MAGI2: variants seen among roughly 807,000 people sequenced by gnomAD.
MAGI2 encodes the protein membrane-associated guanylate kinase, WW and PDZ domain-containing protein 2.
A neutral mutation model predicts 133.3 loss-of-function variants in MAGI2; 35 were observed. The observed-to-expected ratio is 0.26, with a 90% CI of 0.20 to 0.35. The LOEUF is 0.35. MAGI2 is among the 10% of genes least tolerant of loss of function. MAGI2 has a pLI of 1.00. For missense variants in MAGI2, 1,636 were observed against 1,863.4 expected, an observed-to-expected ratio of 0.88 and a Z score of 2.25; for synonymous variants, 729 against 710.6, an observed-to-expected ratio of 1.03 and a Z score of -0.41.
chr7:78,747,168 G>A (rs1388977459), intron 2 of MAGI2, among the ~76,000 whole-genome samples: 2 of 152,158 alleles, frequency 1.3e-5, no homozygotes, highest in Admixed American at 6.5e-5. Flanking sequence ...CAATTGGCAA[G>A]GTGGTAGCAA....
At chr7:79,381,124 C>T (rs1343718511) in intron 1 of MAGI2, among the ~76,000 whole-genome samples, 1 of 132,216 alleles carries the variant, frequency 7.6e-6, no homozygotes, top group Non-Finnish European at 1.6e-5. Context: ...GCCATATTAC[C>T]ATATCGGTGC....
Position 78,073,018 on chromosome 7 carries a change from G to A in MAGI2, c.3706+5929C>T, listed in dbSNP as rs1814877285. 5 of 398,518 alleles carry A rather than the reference G, an allele frequency of 1.3e-5. No individual in the cohort carries two copies. The East Asian group carries it at 1.8e-4, about 14-fold the overall frequency. 24.7% of individuals were successfully genotyped at this position (398,518 alleles called of 1,614,324 possible). On this transcript the variant is annotated intron_variant, in intron 21 of 21. Transcript: ENST00000354212. ...ACCATTACTTATTGCTATCTACATAGAGGCCAGTACTGCTTCACCTGCTGC... is the reference window on the plus strand; with the variant it reads ...ACCATTACTTATTGCTATCTACATAAAGGCCAGTACTGCTTCACCTGCTGC...
At chr7:78,897,637 T>C (rs998651235) in intron 2 of MAGI2, among the ~76,000 whole-genome samples, 6 of 152,226 alleles carry the variant, frequency 3.9e-5, no homozygotes, top group African/African-American at 1.2e-4. Flanking sequence ...TCCATATAAA[T>C]TTTAAAATGT....
chr7:78,331,274 T>A (rs1056682033), intron 9 of MAGI2, among the ~76,000 whole-genome samples: 1 of 152,070 alleles, frequency 6.6e-6, no homozygotes, highest in Non-Finnish European at 1.5e-5. Context: ...AATACCTGAG[T>A]GACAGGATCA....
intron 2 of MAGI2, among the ~76,000 whole-genome samples, chr7:78,766,992 CTTT>C (rs5885095): frequency 6.3e-5 from 9 of 143,558 alleles, no homozygotes; most frequent in Admixed American, 6.9e-5. Context: ...TAATAAAGTT[CTTT>C]TTTTTTTTTT....
chr7:79,433,965 T>C (rs1453827512), intron 1 of MAGI2, among the ~76,000 whole-genome samples: 1 of 152,202 alleles, frequency 6.6e-6, no homozygotes, highest in Non-Finnish European at 1.5e-5. Context: ...CGGTGTTTTT[T>C]AAGAAGAATA....
At chr7:78,690,844 G>A (rs903643495) in intron 2 of MAGI2, among the ~76,000 whole-genome samples, 1 of 152,182 alleles carries the variant, frequency 6.6e-6, no homozygotes, top group Non-Finnish European at 1.5e-5. Flanking sequence ...GTACTCAGCA[G>A]ATGAGCAAGT....
intron 6 of MAGI2, among the ~76,000 whole-genome samples, chr7:78,442,925 G>C (rs1210268705): frequency 6.6e-6 from 1 of 152,118 alleles, no homozygotes; most frequent in African/African-American, 2.4e-5. Flanking sequence ...GAAAACACTA[G>C]TTAGTTAAAA....
At chr7:78,754,205 T>C (rs1320902236) in intron 2 of MAGI2, among the ~76,000 whole-genome samples, 2 of 151,730 alleles carry the variant, frequency 1.3e-5, no homozygotes, top group Admixed American at 1.3e-4. Flanking sequence ...AGCAAAACCC[T>C]GCTATCTACA....
intron 1 of MAGI2, among the ~76,000 whole-genome samples, chr7:79,331,576 G>T (rs1405482365): frequency 6.6e-6 from 1 of 152,070 alleles, no homozygotes; most frequent in Non-Finnish European, 1.5e-5. Context: ...AGACCAAAAT[G>T]TTTGCCTCAA....
intron 1 of MAGI2, among the ~76,000 whole-genome samples, chr7:79,407,903 A>G (rs1845916388): frequency 6.6e-6 from 1 of 152,070 alleles, no homozygotes; most frequent in Admixed American, 6.6e-5. Context: ...GACATATTTT[A>G]TATTATTAAG....
intron 2 of MAGI2, among the ~76,000 whole-genome samples, chr7:78,653,212 T>G (rs1367917826): frequency 6.6e-6 from 1 of 152,178 alleles, no homozygotes; most frequent in Admixed American, 6.5e-5. Context: ...TCAACCATTA[T>G]GGAAAATAGT....
At chr7:79,063,556 G>A (rs1444322607) in intron 1 of MAGI2, among the ~76,000 whole-genome samples, 2 of 151,972 alleles carry the variant, frequency 1.3e-5, no homozygotes, top group East Asian at 1.9e-4. Flanking sequence ...AGCTTGGAGA[G>A]GCAACTAGGA....
intron 1 of MAGI2, among the ~76,000 whole-genome samples, chr7:79,357,059 G>A (rs1013615342): frequency 2.6e-5 from 4 of 152,122 alleles, no homozygotes; most frequent in Non-Finnish European, 1.5e-5. Context: ...TGATGCTCAA[G>A]GTTATTTTAC....
chr7:78,138,596 T>G (rs1822404365), intron 16 of MAGI2, among the ~76,000 whole-genome samples: 1 of 149,108 alleles, frequency 6.7e-6, no homozygotes. Flanking sequence ...TTATTGGGCA[T>G]AAAATCCCAA....
chr7:78,794,532 A>G (rs1787433730), intron 2 of MAGI2, among the ~76,000 whole-genome samples: 1 of 152,038 alleles, frequency 6.6e-6, no homozygotes, highest in Non-Finnish European at 1.5e-5. Flanking sequence ...CCAGGTAAAG[A>G]GATGGTTTCT....
intron 2 of MAGI2, among the ~76,000 whole-genome samples, chr7:78,791,517 T>C (rs1391471649): frequency 2.6e-5 from 4 of 151,942 alleles, no homozygotes; most frequent in Non-Finnish European, 5.9e-5. Flanking sequence ...GCATTACTTT[T>C]AATGGCTAAC....
intron 2 of MAGI2, among the ~76,000 whole-genome samples, chr7:78,732,847 C>T (rs1369051788): frequency 6.6e-6 from 1 of 151,960 alleles, no homozygotes; most frequent in African/African-American, 2.4e-5. Flanking sequence ...AGTAACAACA[C>T]CTTTAATAAA....
At chr7:78,623,274 T>C (rs184945181) in intron 3 of MAGI2, among the ~76,000 whole-genome samples, 1 of 152,132 alleles carries the variant, frequency 6.6e-6, no homozygotes, top group Admixed American at 6.6e-5. Flanking sequence ...GTTAAGCCAT[T>C]GGTTCATTCT....
Sources: allele counts gnomAD v4.1 joint callset (sites outside exome capture counted in the v4.1 genomes callset), GRCh38; gene constraint gnomAD v4.1.1; transcripts MANE v1.5; gene names NCBI Gene and HGNC (gene_info 2026-07-23, HGNC 2026-07-21).